The following NSL1 variants were observed in gnomAD, a reference collection of about 807,000 sequenced individuals.
NSL1 encodes the protein NSL1 component of MIS12 kinetochore complex.
NSL1 carries 11 observed loss-of-function variants against 25.4 expected under a neutral mutation model. The observed-to-expected ratio is 0.43, with a 90% CI of 0.27 to 0.72. The LOEUF (loss-of-function observed/expected upper bound fraction) is 0.72, where lower values mean the gene tolerates loss of function less well. NSL1 is among the 30% of genes least tolerant of loss of function. NSL1 has a pLI of 0.19. For synonymous variants in NSL1, 118 were observed against 120.6 expected, an observed-to-expected ratio of 0.98 and a Z score of 0.14; for missense variants, 330 against 342.7, an observed-to-expected ratio of 0.96 and a Z score of 0.29.
chr1:212,779,401 C>T (rs1256977867), intron 4 of NSL1, among the ~76,000 whole-genome samples: 17 of 141,992 alleles, frequency 1.2e-4, no homozygotes, highest in African/African-American at 3.9e-4. Flanking sequence ...GCCCCCCGCC[C>T]GGCCAGCCGC....
rs572649742 is a variant in NSL1 at position 212,726,191 on chromosome 1, T to C, written c.*12217A>G. ...ATATTCGATTTTATTAGATGAAAAA[T>C]GCAGCCTCTCACATCAGTGGGGGAA... On this transcript the variant is annotated 3_prime_UTR_variant, in exon 6 of 6. Transcript: ENST00000366977. 2.6e-5 allele frequency: 4 copies of C among 152,120 alleles called. No individual in the cohort carries two copies. Among genetic ancestry groups the C allele is most frequent in the African/African-American group, 9.7e-5 (4 of 41,406 alleles). 9.4% of individuals were successfully genotyped at this position (152,120 alleles called of 1,614,324 possible).
intron 5 of NSL1, 30 bp downstream of exon 5, chr1:212,739,504 T>C (rs372016666): frequency 6.2e-7 from 1 of 1,607,142 alleles, no homozygotes; most frequent in Non-Finnish European, 8.5e-7. Flanking sequence ...TTTTGTTCAT[T>C]TGATAATTTT....
chr1:212,766,638 T>A, intron 4 of NSL1, among the ~76,000 whole-genome samples: 1 of 136,096 alleles, frequency 7.3e-6, no homozygotes, highest in African/African-American at 2.8e-5. Context: ...AGAGCGAGAC[T>A]CCATCTTAAA....
At chr1:212,746,630 T>C (rs1242507969) in intron 4 of NSL1, among the ~76,000 whole-genome samples, 3 of 152,218 alleles carry the variant, frequency 2.0e-5, no homozygotes, top group African/African-American at 2.4e-5. Flanking sequence ...CTATTCTGTC[T>C]ATAACTCACT....
rs75418468 is a variant in NSL1, at chr1:212,790,341, T to C, written c.234+1189A>G. 5.3e-5 allele frequency among the ~76,000 whole-genome samples: 8 copies of C among 152,252 alleles called. No individual in the cohort carries two copies. In the East Asian group the frequency reaches 1.6e-3, roughly 30 times the overall value. Reference sequence around the variant, plus strand: ...CGCGCCCGACCCCTTTTGCCTGTTTTAGAGTGAAAACATTTTCTTTACAAG... The same window carrying C: ...CGCGCCCGACCCCTTTTGCCTGTTTCAGAGTGAAAACATTTTCTTTACAAG... On this transcript the variant is annotated intron_variant, in intron 1 of 5. Coordinates refer to ENST00000366977, the MANE Select transcript of NSL1 (RefSeq NM_015471.4).
At chr1:212,775,877 G>A (rs1402590004) in intron 4 of NSL1, among the ~76,000 whole-genome samples, 1 of 151,950 alleles carries the variant, frequency 6.6e-6, no homozygotes, top group Non-Finnish European at 1.5e-5. Context: ...GCCCAGGCTG[G>A]AGTGCAGTGG....
chr1:212,731,876 C>T lies in NSL1; in HGVS notation c.*6532G>A. ...ACTCTGGCTGCTCCAGCTCCATGTC[C>T]TGGGACACCCTACCCTGCCCCAGGA... is the stretch of plus-strand genomic sequence containing the variant. On this transcript the variant is annotated 3_prime_UTR_variant, in exon 6 of 6. Coordinates refer to ENST00000366977, the MANE Select transcript of NSL1 (RefSeq NM_015471.4). 1.0e-6 allele frequency: 1 copy of T among 985,410 alleles called. No individual in the cohort carries two copies. Among genetic ancestry groups the T allele is most frequent in the Non-Finnish European group, 1.2e-6 (1 of 829,920 alleles). The allele number at this position is 985,410 out of a possible 1,614,324, so 61.0% of individuals were successfully genotyped here. A position where few individuals can be genotyped will look rare whatever the true frequency, so the allele number is the denominator to read the frequency against.
At position 212,730,134 on chromosome 1, in the gene NSL1, C is replaced by T; in HGVS notation, c.*8274G>A. 4 of 836,824 alleles carry T rather than the reference C, an allele frequency of 4.8e-6. No homozygotes were observed. The highest frequency in any genetic ancestry group is 5.7e-6 in the Non-Finnish European group (4 of 697,974). 51.8% of individuals were successfully genotyped at this position (836,824 alleles called of 1,614,324 possible). On this transcript the variant is annotated 3_prime_UTR_variant, in exon 6 of 6. Coordinates refer to ENST00000366977, the MANE Select transcript of NSL1 (RefSeq NM_015471.4). ...GCATGGTAGCACGCGCCTGTAATCC[C>T]AGCTACTCGGGAGGCTAAGGCATGA...
chr1:212,729,061 A>C lies in NSL1; in HGVS notation c.*9347T>G. 2.0e-6 allele frequency: 2 copies of C among 985,460 alleles called. No homozygotes were observed. Among genetic ancestry groups the C allele is most frequent in the Non-Finnish European group, 2.4e-6 (2 of 829,924 alleles). The allele number at this position is 985,460 out of a possible 1,614,324, so 61.0% of individuals were successfully genotyped here. ...AAGGAAGAATACTTGGGTTGGGCTTACAAGAAAAATAAATTGCAGTAAGTG... is the reference window on the plus strand; with the variant it reads ...AAGGAAGAATACTTGGGTTGGGCTTCCAAGAAAAATAAATTGCAGTAAGTG... On this transcript the variant is annotated 3_prime_UTR_variant, in exon 6 of 6. Coordinates refer to ENST00000366977, the MANE Select transcript of NSL1 (RefSeq NM_015471.4).
At chr1:212,741,204 G>A (rs1658487230) in intron 4 of NSL1, among the ~76,000 whole-genome samples, 1 of 145,284 alleles carries the variant, frequency 6.9e-6, no homozygotes, top group Non-Finnish European at 1.6e-5. Flanking sequence ...TTTCTCTGTG[G>A]TATGGCAAAT....
rs1658193417 is a variant in NSL1, at chr1:212,735,413, A to G, written c.*2995T>C. 1.0e-6 allele frequency: 1 copy of G among 985,360 alleles called. No homozygotes were observed. Among genetic ancestry groups the G allele is most frequent in the Admixed American group, 6.1e-5 (1 of 16,274 alleles). 61.0% of individuals were successfully genotyped at this position (985,360 alleles called of 1,614,324 possible). A position where few individuals can be genotyped will look rare whatever the true frequency, so the allele number is the denominator to read the frequency against. ...AATCAAACAAATTCAGCCTTAGAAAAGAAAAAGTACATCTTACAAGATGAA... is the reference window on the plus strand; with the variant it reads ...AATCAAACAAATTCAGCCTTAGAAAGGAAAAAGTACATCTTACAAGATGAA... On this transcript the variant is annotated 3_prime_UTR_variant, in exon 6 of 6. Transcript: ENST00000366977.
At chr1:212,789,298 G>A (rs1047917564) in intron 1 of NSL1, among the ~76,000 whole-genome samples, 5 of 152,000 alleles carry the variant, frequency 3.3e-5, no homozygotes, top group East Asian at 1.9e-4. Context: ...TGCAACCTCC[G>A]CTTCCCAGGT....
intron 4 of NSL1, among the ~76,000 whole-genome samples, chr1:212,763,386 C>A (rs184459785): frequency 2.0e-5 from 3 of 151,390 alleles, no homozygotes; most frequent in Non-Finnish European, 4.4e-5. Context: ...GAAAAAAAAA[C>A]AAAGTATCTA....
chr1:212,729,184 A>G lies in NSL1; in HGVS notation c.*9224T>C. The G allele has an allele frequency of 1.0e-6, 1 of 985,470 alleles. No homozygotes were observed. Among genetic ancestry groups the G allele is most frequent in the South Asian group, 4.7e-5 (1 of 21,286 alleles). 61.0% of individuals were successfully genotyped at this position (985,470 alleles called of 1,614,324 possible). A position where few individuals can be genotyped will look rare whatever the true frequency, so the allele number is the denominator to read the frequency against. ...TCTTGCAAGCAGGTAATTCCACAGAAGTTTCCAAACCCATGAGTTTCACTC... is the reference window on the plus strand; with the variant it reads ...TCTTGCAAGCAGGTAATTCCACAGAGGTTTCCAAACCCATGAGTTTCACTC... On this transcript the variant is annotated 3_prime_UTR_variant, in exon 6 of 6. Coordinates refer to ENST00000366977, the MANE Select transcript of NSL1 (RefSeq NM_015471.4).
At chr1:212,772,559 C>T (rs951829499) in intron 4 of NSL1, among the ~76,000 whole-genome samples, 1 of 151,982 alleles carries the variant, frequency 6.6e-6, no homozygotes, top group Non-Finnish European at 1.5e-5. Flanking sequence ...CACCTGTAAT[C>T]CCAGCTACTT....
chr1:212,784,181 ATG>A, intron 3 of NSL1, 180 bp downstream of exon 3: 2 of 379,400 alleles, frequency 5.3e-6, no homozygotes, highest in African/African-American at 2.1e-5. Flanking sequence ...ACAGTATAGT[ATG>A]ACTATACTAT....
intron 1 of NSL1, among the ~76,000 whole-genome samples, chr1:212,789,097 C>T (rs1661067653): frequency 2.6e-5 from 4 of 152,110 alleles, no homozygotes; most frequent in Admixed American, 2.6e-4. Context: ...ATTTTGTACC[C>T]TTTGTATAAT....
In NSL1 at chr1:212,732,211, T is replaced by G; in HGVS notation, c.*6197A>C. 1 of 982,468 alleles carries G rather than the reference T, an allele frequency of 1.0e-6. No individual in the cohort carries two copies. The highest frequency in any genetic ancestry group is 1.7e-5 in the African/African-American group (1 of 57,268). 60.9% of individuals were successfully genotyped at this position (982,468 alleles called of 1,614,324 possible). A position where few individuals can be genotyped will look rare whatever the true frequency, so the allele number is the denominator to read the frequency against. Reference sequence around the variant, plus strand: ...GTTTCTTTGAACATCTTAATCATATTACAAAACATCTCCTTTATACAATTT... The same window carrying G: ...GTTTCTTTGAACATCTTAATCATATGACAAAACATCTCCTTTATACAATTT... On this transcript the variant is annotated 3_prime_UTR_variant, in exon 6 of 6. Coordinates refer to ENST00000366977, the MANE Select transcript of NSL1 (RefSeq NM_015471.4).
intron 1 of NSL1, among the ~76,000 whole-genome samples, chr1:212,790,767 AAAAAAAT>A (rs1661182363): frequency 6.6e-6 from 1 of 151,750 alleles, no homozygotes; most frequent in Non-Finnish European, 1.5e-5. Flanking sequence ...CTAAAAACAC[AAAAAAAT>A]TAGCCGGGCG....
Sources: gnomAD v4.1 joint callset for allele counts (sites outside exome capture counted in the v4.1 genomes callset) on GRCh38, gnomAD v4.1.1 for gene constraint, MANE v1.5 for transcripts, NCBI Gene and HGNC (gene_info 2026-07-23, HGNC 2026-07-21) for gene names.